The following ZNF521 variants were observed in gnomAD, a reference collection of about 807,000 sequenced individuals.
ZNF521 encodes LYST-interacting protein 3.
ZNF521 carries 14 observed loss-of-function variants against 105.5 expected under a neutral mutation model. The observed-to-expected ratio is 0.13, with a 90% CI of 0.09 to 0.21. ZNF521 has a LOEUF of 0.21. Ranked by LOEUF, ZNF521 falls within the 10% of genes least tolerant of loss-of-function variation. The pLI is 1.00. For missense variants in ZNF521, 1,233 were observed against 1,629.7 expected (o/e 0.76, Z 4.19); for synonymous variants, 635 against 606.0 (o/e 1.05, Z -0.70).
In ZNF521 at chr18:25,272,681, A is replaced by C. The variant is rs376966576; in HGVS notation, c.221-44984T>G. Among the ~76,000 whole-genome samples the C allele has an allele frequency of 9.2e-5, 14 of 152,124 alleles. No individual in the cohort carries two copies. In the East Asian group the frequency reaches 2.5e-3, roughly 28 times the overall value. On this transcript the variant is annotated intron_variant, in intron 3 of 7. Transcript: ENST00000361524. ...ACAAGAACAGAAAACCAAACACTGC[A>C]TGTTATCAGTCACAAGCGGGAGTTG...
At chr18:25,119,945 G>C (rs1346569852) in intron 5 of ZNF521, among the ~76,000 whole-genome samples, 1 of 152,070 alleles carries the variant, frequency 6.6e-6, no homozygotes, top group Non-Finnish European at 1.5e-5. Flanking sequence ...TGGAAGAAAA[G>C]ACAGTACAAA....
At chr18:25,267,039 G>A (rs1346942502) in intron 3 of ZNF521, among the ~76,000 whole-genome samples, 3 of 152,152 alleles carry the variant, frequency 2.0e-5, no homozygotes, top group South Asian at 2.1e-4. Flanking sequence ...TGAAATTCTC[G>A]CTGCCAGCAC....
At chr18:25,069,334 A>AC (rs2033156462) in intron 7 of ZNF521, among the ~76,000 whole-genome samples, 1 of 152,168 alleles carries the variant, frequency 6.6e-6, no homozygotes, top group Non-Finnish European at 1.5e-5. Context: ...GCAAAGGGTG[A>AC]CCTTTAAGCA....
rs36016652 is a variant in ZNF521, at chr18:25,205,141, T to TTA, written c.3574-9898_3574-9897insTA. 1.3e-3 allele frequency among the ~76,000 whole-genome samples: 97 copies of TTA among 74,918 alleles called. 1 individual carries two copies. The highest frequency in any genetic ancestry group is 2.0e-3 in the South Asian group (4 of 1,956). The allele number at this position is 74,918 out of a possible 152,430, so 49.1% of individuals were successfully genotyped here. A position where few individuals can be genotyped will look rare whatever the true frequency, so the allele number is the denominator to read the frequency against. ...GACTAAATTGATGCCGTAGTGAAGGTAAAAAAAAAAAAAAAAAAAAAAAAA... is the reference window on the plus strand; with the variant it reads ...GACTAAATTGATGCCGTAGTGAAGGTTAAAAAAAAAAAAAAAAAAAAAAAAAA... On this transcript the variant is annotated intron_variant, in intron 4 of 7. Coordinates refer to ENST00000361524, the MANE Select transcript of ZNF521 (RefSeq NM_015461.3).
At chr18:25,165,866 T>C (rs1312835947) in intron 5 of ZNF521, among the ~76,000 whole-genome samples, 1 of 152,234 alleles carries the variant, frequency 6.6e-6, no homozygotes, top group African/African-American at 2.4e-5. Flanking sequence ...CTAGCACATG[T>C]GCATAAGAAA....
intron 5 of ZNF521, among the ~76,000 whole-genome samples, chr18:25,118,515 A>T (rs1450042756): frequency 6.6e-6 from 1 of 152,052 alleles, no homozygotes; most frequent in African/African-American, 2.4e-5. Context: ...ACAGATTGAC[A>T]TATGGTTACA....
intron 2 of ZNF521, among the ~76,000 whole-genome samples, chr18:25,328,851 T>G (rs552145219): frequency 2.7e-4 from 41 of 152,330 alleles, no homozygotes; most frequent in African/African-American, 8.9e-4. Flanking sequence ...CGCGCTGGCC[T>G]ATTCCCCCTT....
chr18:25,265,675 T>C (rs929201868), intron 3 of ZNF521, among the ~76,000 whole-genome samples: 1 of 152,142 alleles, frequency 6.6e-6, no homozygotes, highest in African/African-American at 2.4e-5. Context: ...AGCTACCCTA[T>C]CCCATTGCGG....
chr18:25,288,081 T>C (rs1390298540), intron 3 of ZNF521, among the ~76,000 whole-genome samples: 1 of 150,744 alleles, frequency 6.6e-6, no homozygotes, highest in African/African-American at 2.4e-5. Flanking sequence ...ACCTGATAGG[T>C]GACAGGGAAA....
intron 3 of ZNF521, 57 bp downstream of exon 3, chr18:25,321,951 G>GA (rs1912952557): frequency 4.7e-6 from 7 of 1,499,016 alleles, no homozygotes; most frequent in East Asian, 4.5e-5. Context: ...GGAACAAACT[G>GA]AAAAAATCAG....
intron 3 of ZNF521, among the ~76,000 whole-genome samples, chr18:25,238,890 T>C (rs938336542): frequency 1.4e-4 from 21 of 152,116 alleles, no homozygotes; most frequent in African/African-American, 5.1e-4. Flanking sequence ...AAATCTCCCT[T>C]TTTTAGCAAG....
At chr18:25,238,373 A>T (rs1907071775) in intron 3 of ZNF521, among the ~76,000 whole-genome samples, 1 of 152,224 alleles carries the variant, frequency 6.6e-6, no homozygotes, top group African/African-American at 2.4e-5. Flanking sequence ...CTCTCTGTTA[A>T]CAAGTCATGA....
Position 25,284,910 on chromosome 18 carries a change from G to GCGCACACACA in ZNF521, c.220+37097_220+37098insTGTGTGTGCG, listed in dbSNP as rs1555658165. Among the ~76,000 whole-genome samples the GCGCACACACA allele has an allele frequency of 7.4e-3, 1,099 of 148,672 alleles. 14 individuals are homozygous for GCGCACACACA. Among genetic ancestry groups the GCGCACACACA allele is most frequent in the African/African-American group, 0.026 (1,061 of 40,824 alleles). The stretch of plus-strand genomic sequence containing the variant: ...CAAACACTCATGTGCGTGCGCGCGC[G>GCGCACACACA]CACACACACACACACACACACACAG... On this transcript the variant is annotated intron_variant, in intron 3 of 7. Transcript: ENST00000361524.
At chr18:25,295,615 TAAAA>T in intron 3 of ZNF521, among the ~76,000 whole-genome samples, 1 of 140,166 alleles carries the variant, frequency 7.1e-6, no homozygotes, top group Admixed American at 7.1e-5. Flanking sequence ...CCCAAAAAAG[TAAAA>T]AAAAAAAAAG....
chr18:25,189,515 G>A (rs2144617994), intron 5 of ZNF521, among the ~76,000 whole-genome samples: 1 of 152,222 alleles, frequency 6.6e-6, no homozygotes, highest in East Asian at 1.9e-4. Flanking sequence ...CAGCAAATGT[G>A]CGGTTCTCAA....
At chr18:25,153,942 G>A (rs945760291) in intron 5 of ZNF521, among the ~76,000 whole-genome samples, 2 of 152,118 alleles carry the variant, frequency 1.3e-5, no homozygotes, top group African/African-American at 2.4e-5. Context: ...CAGTTCTAAT[G>A]TCAATGGTTC....
At chr18:25,318,585 G>A (rs1912766334) in intron 3 of ZNF521, among the ~76,000 whole-genome samples, 2 of 152,094 alleles carry the variant, frequency 1.3e-5, no homozygotes, top group Non-Finnish European at 2.9e-5. Context: ...TCAGGCAAAT[G>A]AGTAAACATA....
chr18:25,122,962 T>C (rs932716389), intron 5 of ZNF521, among the ~76,000 whole-genome samples: 3 of 152,124 alleles, frequency 2.0e-5, no homozygotes, highest in African/African-American at 7.2e-5. Flanking sequence ...GTGTTTTGGT[T>C]TGGTCAAATA....
At chr18:25,126,450 A>G (rs1373718712) in intron 5 of ZNF521, among the ~76,000 whole-genome samples, 1 of 152,104 alleles carries the variant, frequency 6.6e-6, no homozygotes, top group East Asian at 1.9e-4. Flanking sequence ...CTGTTTTTCT[A>G]TTCCCTCTGT....
Sources: gnomAD v4.1 joint callset for allele counts (sites outside exome capture counted in the v4.1 genomes callset) on GRCh38, gnomAD v4.1.1 for gene constraint, MANE v1.5 for transcripts, NCBI Gene and HGNC (gene_info 2026-07-23, HGNC 2026-07-21) for gene names.